Variants in TTBK2 observed in about 807,000 individuals in gnomAD.
The protein encoded by TTBK2 is tau tubulin kinase 2.
TTBK2 carries 28 observed loss-of-function variants against 110.8 expected under a neutral mutation model. That is an observed-to-expected ratio of 0.25 (90% CI 0.19 to 0.35). The LOEUF (loss-of-function observed/expected upper bound fraction) is 0.35, where lower values mean the gene tolerates loss of function less well. Ranked by LOEUF, TTBK2 falls within the 10% of genes least tolerant of loss-of-function variation. TTBK2 has a pLI of 1.00. For synonymous variants in TTBK2, 532 were observed against 527.3 expected, an observed-to-expected ratio of 1.01 and a Z score of -0.12; for missense variants, 1,369 against 1,500.3, an observed-to-expected ratio of 0.91 and a Z score of 1.45.
At chr15:42,898,594 A>G (rs536305449) in intron 1 of TTBK2, among the ~76,000 whole-genome samples, 9 of 152,318 alleles carry the variant, frequency 5.9e-5, no homozygotes, top group African/African-American at 2.2e-4. Flanking sequence ...CCTAACCAAA[A>G]TTAAACTCTG....
intron 4 of TTBK2, among the ~76,000 whole-genome samples, chr15:42,832,883 T>C (rs1485058392): frequency 6.7e-6 from 1 of 149,216 alleles, no homozygotes; most frequent in Non-Finnish European, 1.5e-5. Flanking sequence ...CCTTAGAAAG[T>C]ATCTCCTCAG....
At chr15:42,875,461 C>T (rs1009083395) in intron 2 of TTBK2, among the ~76,000 whole-genome samples, 2 of 152,148 alleles carry the variant, frequency 1.3e-5, no homozygotes, top group Non-Finnish European at 2.9e-5. Flanking sequence ...GACCTTGCTA[C>T]TCCCCCACCA....
intron 1 of TTBK2, among the ~76,000 whole-genome samples, chr15:42,908,538 T>C (rs905816799): frequency 6.6e-6 from 1 of 152,176 alleles, no homozygotes. Context: ...TACTCACCCA[T>C]ATAAAGGAAG....
chr15:42,765,971 T>C (rs1185320522), intron 13 of TTBK2, among the ~76,000 whole-genome samples: 1 of 152,146 alleles, frequency 6.6e-6, no homozygotes, highest in Non-Finnish European at 1.5e-5. Flanking sequence ...TATTCAACAT[T>C]CTTAAAGAAA....
chr15:42,867,882 G>A (rs368218960), intron 3 of TTBK2, among the ~76,000 whole-genome samples: 1 of 152,166 alleles, frequency 6.6e-6, no homozygotes, highest in East Asian at 1.9e-4. Context: ...AATCTGCACA[G>A]CAACCAAGAT....
chr15:42,832,598 T>C (rs1041622236), intron 4 of TTBK2, among the ~76,000 whole-genome samples: 1 of 152,248 alleles, frequency 6.6e-6, no homozygotes, highest in African/African-American at 2.4e-5. Context: ...GGTTTTACTT[T>C]GCTGGTTTCA....
intron 3 of TTBK2, among the ~76,000 whole-genome samples, chr15:42,870,193 T>C (rs1894560338): frequency 6.6e-6 from 1 of 151,782 alleles, no homozygotes; most frequent in Non-Finnish European, 1.5e-5. Flanking sequence ...ATAATAATAA[T>C]AATAAAATTC....
Position 42,794,766 on chromosome 15 carries a change from A to C in TTBK2, c.858T>G (p.Thr286=). The C allele has an allele frequency of 6.2e-7, 1 of 1,614,198 alleles. No individual in the cohort carries two copies. The highest frequency in any genetic ancestry group is 8.5e-7 in the Non-Finnish European group (1 of 1,180,052). ...AAGGGTCACTCTCAATTACTCCAAA[A>C]GTCTTGATGCTATTGTCAAACACGG... ...LTSVFDNSIK[T]FGVIESDPFD... is the part of the protein sequence containing the mutation. Residue 286 remains threonine, a synonymous_variant, in exon 10 of 15, where the codon ACT becomes ACG. Coordinates refer to ENST00000267890, the MANE Select transcript of TTBK2 (RefSeq NM_173500.4).
At chr15:42,819,053 A>G (rs1892172956) in intron 6 of TTBK2, among the ~76,000 whole-genome samples, 2 of 151,574 alleles carry the variant, frequency 1.3e-5, no homozygotes, top group Non-Finnish European at 2.9e-5. Context: ...GCCAAACTTG[A>G]AAATGATCAT....
intron 13 of TTBK2, among the ~76,000 whole-genome samples, chr15:42,761,942 G>C (rs1347898817): frequency 1.3e-5 from 2 of 152,176 alleles, no homozygotes; most frequent in African/African-American, 2.4e-5. Flanking sequence ...AATCATGGGG[G>C]CAGGTCTTTC....
intron 4 of TTBK2, among the ~76,000 whole-genome samples, chr15:42,834,130 G>T (rs144125358): frequency 6.8e-6 from 1 of 146,352 alleles, no homozygotes; most frequent in Non-Finnish European, 1.5e-5. Flanking sequence ...AGGTAGAGGC[G>T]GAAGCGAGCT....
At position 42,768,626 on chromosome 15, in the gene TTBK2, A is replaced by C. The variant is rs1889504120; in HGVS notation, c.1998+6509T>G. 2.0e-5 allele frequency among the ~76,000 whole-genome samples: 3 copies of C among 152,340 alleles called. No homozygotes were observed. In the South Asian group the frequency reaches 6.2e-4, roughly 32 times the overall value. ...AATAAAAGAGGATACAAACAAATGG[A>C]AGAACATTCCATGTTCATGGATAGG... On this transcript the variant is annotated intron_variant, in intron 13 of 14. Transcript: ENST00000267890.
In TTBK2 at chr15:42,840,452, C is replaced by T. The variant is rs748139363; in HGVS notation, c.218-19G>A. On this transcript the variant is annotated intron_variant, in intron 3 of 14. Coordinates refer to ENST00000267890, the MANE Select transcript of TTBK2 (RefSeq NM_173500.4). ...TCTTTCCCTGGATAAAAAAAGAAAA[C>T]AGTGGAAAAGAATATACTATGGTTT... The T allele has an allele frequency of 3.1e-6, 5 of 1,605,146 alleles. No homozygotes were observed. The highest frequency in any genetic ancestry group is 1.7e-4 in the Middle Eastern group (1 of 6,046).
intron 1 of TTBK2, among the ~76,000 whole-genome samples, chr15:42,892,761 G>A (rs1467152028): frequency 7.0e-6 from 1 of 143,742 alleles, no homozygotes; most frequent in Non-Finnish European, 1.5e-5. Context: ...TGTAATTTCA[G>A]CACTTTGGGA....
At chr15:42,896,687 G>C (rs1207734039) in intron 1 of TTBK2, among the ~76,000 whole-genome samples, 1 of 152,022 alleles carries the variant, frequency 6.6e-6, no homozygotes, top group Non-Finnish European at 1.5e-5. Flanking sequence ...CCAGCTACTG[G>C]GAGGCTAAGG....
chr15:42,853,889 A>C (rs1181982374), intron 3 of TTBK2, among the ~76,000 whole-genome samples: 1 of 149,620 alleles, frequency 6.7e-6, no homozygotes, highest in African/African-American at 2.6e-5. Context: ...TCAAAAAAAA[A>C]TAAAAAATAA....
chr15:42,756,543 GC>G (rs2061950161), intron 13 of TTBK2, among the ~76,000 whole-genome samples: 1 of 152,124 alleles, frequency 6.6e-6, no homozygotes, highest in African/African-American at 2.4e-5. Flanking sequence ...CCAAGATCGT[GC>G]CACTGCACTC....
At chr15:42,841,837 G>A (rs1241130500) in intron 3 of TTBK2, among the ~76,000 whole-genome samples, 1 of 152,090 alleles carries the variant, frequency 6.6e-6, no homozygotes, top group Non-Finnish European at 1.5e-5. Context: ...GAATATAGTA[G>A]GCTGTATAGA....
At chr15:42,791,030 C>T (rs1286282655) in intron 10 of TTBK2, among the ~76,000 whole-genome samples, 1 of 152,086 alleles carries the variant, frequency 6.6e-6, no homozygotes, top group Non-Finnish European at 1.5e-5. Flanking sequence ...GCTATAGGCA[C>T]CTGCCACCAT....
Sources: gnomAD v4.1 joint callset for allele counts (sites outside exome capture counted in the v4.1 genomes callset) on GRCh38, gnomAD v4.1.1 for gene constraint, MANE v1.5 for transcripts, NCBI Gene and HGNC (gene_info 2026-07-23, HGNC 2026-07-21) for gene names.